Variants in HIPK2 observed in about 807,000 individuals in gnomAD.
The protein encoded by HIPK2 is homeodomain interacting protein kinase 2.
In HIPK2, 27 loss-of-function variants were observed where a neutral mutation model predicts 113.7. The observed-to-expected ratio is 0.24, with a 90% CI of 0.17 to 0.33. HIPK2 has a LOEUF of 0.33. Among genes scored for constraint, HIPK2 ranks in the 10% least tolerant of loss-of-function variants. HIPK2 has a pLI of 1.00. For missense variants in HIPK2, 1,257 were observed against 1,588.0 expected (o/e 0.79, Z 3.54); for synonymous variants, 631 against 642.2 (o/e 0.98, Z 0.26).
Position 139,732,928 on chromosome 7 carries a change from C to A in HIPK2, c.20-15913G>T, listed in dbSNP as rs1585434884. 2.0e-5 allele frequency among the ~76,000 whole-genome samples: 3 copies of A among 151,628 alleles called. No homozygotes were observed. In the South Asian group the frequency reaches 6.2e-4, roughly 32 times the overall value. ...GTAATCCCCAGTGTTGGAGGTGGGG[C>A]CTGGTGGGAGGTGACTGGATCATGC... On this transcript the variant is annotated intron_variant, in intron 1 of 14. Coordinates refer to ENST00000406875, the MANE Select transcript of HIPK2 (RefSeq NM_022740.5).
chr7:139,644,541 C>A (rs1801141801), intron 2 of HIPK2, among the ~76,000 whole-genome samples: 1 of 152,242 alleles, frequency 6.6e-6, no homozygotes, highest in Non-Finnish European at 1.5e-5. Context: ...GAGAAAGGAG[C>A]CAGGCCTCAG....
chr7:139,729,324 TGAGAGA>T (rs71170912), intron 1 of HIPK2, among the ~76,000 whole-genome samples: 5,051 of 68,872 alleles, frequency 0.073, 219 homozygotes, highest in Middle Eastern at 0.13. Flanking sequence ...ACCCTGTCTC[TGAGAGA>T]GAGAGAGAGA....
intron 1 of HIPK2, among the ~76,000 whole-genome samples, chr7:139,767,727 G>A (rs1313600165): frequency 1.3e-5 from 2 of 152,258 alleles, no homozygotes; most frequent in Non-Finnish European, 2.9e-5. Flanking sequence ...AGGAGGAAAA[G>A]GAGAGCAGAG....
intron 1 of HIPK2, among the ~76,000 whole-genome samples, chr7:139,746,697 A>C (rs1467489214): frequency 2.0e-5 from 3 of 152,082 alleles, no homozygotes; most frequent in Admixed American, 2.0e-4. Flanking sequence ...CCTCTACTCA[A>C]ACTAAAACTC....
intron 12 of HIPK2, among the ~76,000 whole-genome samples, chr7:139,585,374 G>T (rs1486671690): frequency 6.6e-6 from 1 of 152,254 alleles, no homozygotes; most frequent in African/African-American, 2.4e-5. Context: ...AAGGCTGGGG[G>T]ATCTGGGGGG....
At chr7:139,737,009 G>A (rs1795957373) in intron 1 of HIPK2, among the ~76,000 whole-genome samples, 1 of 152,166 alleles carries the variant, frequency 6.6e-6, no homozygotes, top group Non-Finnish European at 1.5e-5. Flanking sequence ...ACGGCTCTCA[G>A]CAGCTCGCCT....
At chr7:139,623,341 T>A (rs573802876) in intron 6 of HIPK2, among the ~76,000 whole-genome samples, 1 of 151,754 alleles carries the variant, frequency 6.6e-6, no homozygotes, top group Non-Finnish European at 1.5e-5. Flanking sequence ...GGAAACCCTG[T>A]CTCTATTAAA....
chr7:139,769,202 G>C (rs1264715404), intron 1 of HIPK2, among the ~76,000 whole-genome samples: 4 of 147,716 alleles, frequency 2.7e-5, no homozygotes, highest in African/African-American at 5.1e-5. Context: ...CTCGATGCGT[G>C]TTCTCCTGCA....
chr7:139,699,270 G>A (rs1317151250), intron 2 of HIPK2, among the ~76,000 whole-genome samples: 2 of 152,084 alleles, frequency 1.3e-5, no homozygotes, highest in African/African-American at 2.4e-5. Flanking sequence ...TAGGAAAGGC[G>A]ATGTTGTCAT....
intron 9 of HIPK2, among the ~76,000 whole-genome samples, chr7:139,610,426 T>C (rs1799774876): frequency 6.6e-6 from 1 of 152,226 alleles, no homozygotes; most frequent in Non-Finnish European, 1.5e-5. Flanking sequence ...CTGTAGTTCT[T>C]TCTCTGATCT....
At chr7:139,587,755 A>G (rs571996625) in intron 12 of HIPK2, among the ~76,000 whole-genome samples, 34 of 151,892 alleles carry the variant, frequency 2.2e-4, no homozygotes, top group African/African-American at 7.2e-4. Context: ...GTGTGCACCT[A>G]TAGTCCTAGC....
chr7:139,606,126 G>A (rs180944323), intron 9 of HIPK2, among the ~76,000 whole-genome samples: 101 of 152,288 alleles, frequency 6.6e-4, no homozygotes, highest in African/African-American at 2.3e-3. Context: ...TTCACTGATT[G>A]ATATGCTTGG....
chr7:139,621,419 T>G (rs1250459267), intron 6 of HIPK2, among the ~76,000 whole-genome samples: 1 of 152,174 alleles, frequency 6.6e-6, no homozygotes, highest in Non-Finnish European at 1.5e-5. Flanking sequence ...CTTCCCCCAT[T>G]GCATCTGTGT....
At chr7:139,729,443 G>C (rs1795703976) in intron 1 of HIPK2, among the ~76,000 whole-genome samples, 1 of 152,062 alleles carries the variant, frequency 6.6e-6, no homozygotes, top group African/African-American at 2.4e-5. Context: ...TTCTGTGTGT[G>C]TCTGAGGCAG....
chr7:139,730,692 A>T (rs1282341730), intron 1 of HIPK2, among the ~76,000 whole-genome samples: 2 of 152,126 alleles, frequency 1.3e-5, no homozygotes, highest in Admixed American at 6.5e-5. Flanking sequence ...AACTGTGTAG[A>T]TTCTATTACT....
At chr7:139,580,887 T>C (rs1798645145) in intron 13 of HIPK2, among the ~76,000 whole-genome samples, 2 of 152,206 alleles carry the variant, frequency 1.3e-5, no homozygotes, top group Admixed American at 1.3e-4. Context: ...GTTGGTGTCA[T>C]TATTGAACTC....
At position 139,654,730 on chromosome 7, in the gene HIPK2, A is replaced by G. The variant is rs981296346; in HGVS notation, c.1104-23005T>C. On this transcript the variant is annotated intron_variant, in intron 2 of 14. Coordinates refer to ENST00000406875, the MANE Select transcript of HIPK2 (RefSeq NM_022740.5). Reference sequence around the variant, plus strand: ...TCAGATGGGAAGGACAAAGCGCAACATGGACGCTCACGAGTCCAGCCAAAT... The same window carrying G: ...TCAGATGGGAAGGACAAAGCGCAACGTGGACGCTCACGAGTCCAGCCAAAT... Among the ~76,000 whole-genome samples the G allele has an allele frequency of 8.5e-5, 13 of 152,272 alleles. No homozygotes were observed. In the East Asian group the frequency reaches 2.5e-3, roughly 29 times the overall value.
intron 2 of HIPK2, among the ~76,000 whole-genome samples, chr7:139,642,814 G>T (rs1037752827): frequency 3.9e-5 from 6 of 152,222 alleles, no homozygotes; most frequent in Non-Finnish European, 8.8e-5. Flanking sequence ...CTTCCACGGA[G>T]CCATCCTTGG....
In HIPK2 at chr7:139,575,261, T is replaced by C. The variant is rs769902193; in HGVS notation, c.2993A>G (p.Tyr998Cys). 3.6e-5 allele frequency: 56 copies of C among 1,575,726 alleles called. No homozygotes were observed. Among genetic ancestry groups the C allele is most frequent in the Non-Finnish European group, 4.2e-5 (49 of 1,160,692 alleles). Reference protein sequence around the residue: ...PVNTSHHSSSYKSKSSSNVTS... With the variant: ...PVNTSHHSSSCKSKSSSNVTS... ...CACGTTGCTGGAGGACTTGGACTTG[T>C]AGGAGGACGAGTGGTGACTGGTGTT... The change falls in exon 14 of 15, where the codon TAC (tyrosine) becomes TGC (cysteine). Residue 998 changes from tyrosine to cysteine, a missense_variant. By Grantham distance (194) the Tyr-to-Cys change is radical (BLOSUM62 -2). This residue lies in a region of HIPK2 where 862 missense variants were observed against 1,004.3 expected (regional missense o/e 0.86). Transcript: ENST00000406875.
Sources: allele counts gnomAD v4.1 joint callset (sites outside exome capture counted in the v4.1 genomes callset), GRCh38; gene constraint gnomAD v4.1.1; regional missense constraint gnomAD v4.1.1; transcripts MANE v1.5; gene names NCBI Gene and HGNC (gene_info 2026-07-23, HGNC 2026-07-21).